XKR6: variants seen among roughly 807,000 people sequenced by gnomAD.
XKR6 encodes the protein XK related 6, also known as XK-related protein 6.
XKR6 carries 22 observed loss-of-function variants against 56.7 expected under a neutral mutation model. That is an observed-to-expected ratio of 0.39 (90% CI 0.28 to 0.55). The LOEUF (loss-of-function observed/expected upper bound fraction) is 0.55. Among genes scored for constraint, XKR6 ranks in the 20% least tolerant of loss-of-function variants. The probability of loss-of-function intolerance (pLI) is 0.66; values close to 1 mark genes in which losing one functional copy is unlikely to be tolerated. For synonymous variants in XKR6, 524 were observed against 387.8 expected, an observed-to-expected ratio of 1.35 and a Z score of -4.13; for missense variants, 852 against 889.0, an observed-to-expected ratio of 0.96 and a Z score of 0.53.
chr8:11,117,977 G>A (rs1474790960), intron 1 of XKR6, among the ~76,000 whole-genome samples: 2 of 152,094 alleles, frequency 1.3e-5, no homozygotes, highest in African/African-American at 2.4e-5. Context: ...TGGGGGACCA[G>A]GCATCCAAAC....
chr8:11,059,634 G>GGC (rs1478622357), intron 1 of XKR6, among the ~76,000 whole-genome samples: 2 of 150,998 alleles, frequency 1.3e-5, no homozygotes, highest in African/African-American at 2.4e-5. Flanking sequence ...GGGGGCGCGG[G>GGC]GCGGGGCGGG....
intron 1 of XKR6, among the ~76,000 whole-genome samples, chr8:11,095,889 A>G (rs998784596): frequency 1.6e-4 from 24 of 152,304 alleles, no homozygotes; most frequent in African/African-American, 5.8e-4. Flanking sequence ...TAGTAATTCC[A>G]CTGTTTTCCA....
chr8:11,131,397 C>T (rs1014767281), intron 1 of XKR6, among the ~76,000 whole-genome samples: 14 of 152,008 alleles, frequency 9.2e-5, no homozygotes, highest in African/African-American at 3.4e-4. Context: ...ACATAGAAGG[C>T]ATGATGAAAT....
rs1362454426 is a variant in XKR6 at position 11,190,183 on chromosome 8, AAAAGAAAGAAAGAAAGAAAGAAAAG to A, written c.764+10368_764+10392del. On this transcript the variant is annotated intron_variant, in intron 1 of 2. Transcript: ENST00000416569. ...AAAAAAAGAAAGAAAGAAAAGAAAG[AAAAGAAAGAAAGAAAGAAAGAAAAG>A]AAAGAAAGAAAGAAAGAGAAAAGAA... Among the ~76,000 whole-genome samples, 11 of 130,728 alleles carry A rather than the reference AAAAGAAAGAAAGAAAGAAAGAAAAG, an allele frequency of 8.4e-5. No individual in the cohort carries two copies. In the East Asian group the frequency reaches 1.4e-3, roughly 17 times the overall value. The allele number at this position is 130,728 out of a possible 152,430, so 85.8% of individuals were successfully genotyped here.
intron 1 of XKR6, among the ~76,000 whole-genome samples, chr8:10,986,614 G>C (rs957611139): frequency 2.0e-5 from 3 of 152,200 alleles, no homozygotes; most frequent in Non-Finnish European, 2.9e-5. Flanking sequence ...GAATGTCATA[G>C]TTGAGGGAAC....
At chr8:11,031,614 C>T (rs982448089) in intron 1 of XKR6, among the ~76,000 whole-genome samples, 1 of 152,320 alleles carries the variant, frequency 6.6e-6, no homozygotes, top group Admixed American at 6.5e-5. Flanking sequence ...GGGCTGTCCT[C>T]TTAGCTGGGC....
At chr8:10,939,169 T>C (rs915223313) in intron 1 of XKR6, among the ~76,000 whole-genome samples, 1 of 152,180 alleles carries the variant, frequency 6.6e-6, no homozygotes, top group Non-Finnish European at 1.5e-5. Context: ...CAAGCAAGTA[T>C]GAGGGCTTCA....
chr8:11,167,894 A>G (rs1344886701), intron 1 of XKR6, among the ~76,000 whole-genome samples: 2 of 88,570 alleles, frequency 2.3e-5, no homozygotes, highest in African/African-American at 1.4e-4. Context: ...ATCTCTTAAA[A>G]AAAAAAAAAA....
intron 2 of XKR6, among the ~76,000 whole-genome samples, chr8:10,920,799 G>C (rs765867616): frequency 1.4e-4 from 22 of 152,232 alleles, no homozygotes; most frequent in African/African-American, 1.9e-4. Flanking sequence ...TCTTGGCTTA[G>C]AGATCCACAA....
At chr8:10,993,227 C>CT (rs1283505572) in intron 1 of XKR6, among the ~76,000 whole-genome samples, 14 of 152,232 alleles carry the variant, frequency 9.2e-5, no homozygotes, top group African/African-American at 2.9e-4. Flanking sequence ...GGCTGGGATG[C>CT]TTTTTATTCA....
intron 1 of XKR6, among the ~76,000 whole-genome samples, chr8:11,130,872 C>A (rs1800070871): frequency 6.6e-6 from 1 of 152,110 alleles, no homozygotes; most frequent in Non-Finnish European, 1.5e-5. Flanking sequence ...CACTTGACTG[C>A]AGCAATGGTA....
At chr8:11,055,698 T>C (rs1441552958) in intron 1 of XKR6, among the ~76,000 whole-genome samples, 1 of 152,102 alleles carries the variant, frequency 6.6e-6, no homozygotes, top group Non-Finnish European at 1.5e-5. Context: ...ACCTAGGACT[T>C]TGCTTGCACA....
At chr8:11,093,107 G>C (rs1332546322) in intron 1 of XKR6, among the ~76,000 whole-genome samples, 2 of 152,030 alleles carry the variant, frequency 1.3e-5, no homozygotes, top group Non-Finnish European at 1.5e-5. Context: ...TCAGGCTGGA[G>C]TGCAATGGTG....
chr8:11,047,856 AG>A (rs1216469909), intron 1 of XKR6, among the ~76,000 whole-genome samples: 2 of 152,256 alleles, frequency 1.3e-5, no homozygotes, highest in African/African-American at 4.8e-5. Flanking sequence ...ACATGATCCC[AG>A]GAACAGGCTC....
intron 1 of XKR6, chr8:11,138,144 C>G (rs1027767444): frequency 3.7e-5 from 6 of 160,050 alleles, no homozygotes; most frequent in Non-Finnish European, 5.5e-5. Context: ...CTTTAAGACC[C>G]ATTCCAGAAA....
At chr8:11,044,635 ATT>A (rs199827131) in intron 1 of XKR6, among the ~76,000 whole-genome samples, 9 of 143,876 alleles carry the variant, frequency 6.3e-5, no homozygotes, top group Non-Finnish European at 7.7e-5. Context: ...TGATTTTCTG[ATT>A]TTTTTTTTTT....
At chr8:10,953,003 T>C (rs1801773647) in intron 1 of XKR6, among the ~76,000 whole-genome samples, 1 of 152,150 alleles carries the variant, frequency 6.6e-6, no homozygotes, top group South Asian at 2.1e-4. Flanking sequence ...GAGAATCTAA[T>C]GCATGATGAT....
chr8:11,120,950 T>G (rs1799421945), intron 1 of XKR6, among the ~76,000 whole-genome samples: 1 of 152,192 alleles, frequency 6.6e-6, no homozygotes, highest in Admixed American at 6.5e-5. Flanking sequence ...GATTCCCTAT[T>G]TAATAAATGG....
chr8:10,911,181 A>T (rs1269363991), intron 2 of XKR6, among the ~76,000 whole-genome samples: 2 of 136,460 alleles, frequency 1.5e-5, no homozygotes, highest in Non-Finnish European at 3.5e-5. Flanking sequence ...GTATATATAC[A>T]TATAGAGAGA....
Sources: gnomAD v4.1 joint callset for allele counts (sites outside exome capture counted in the v4.1 genomes callset) on GRCh38, gnomAD v4.1.1 for gene constraint, MANE v1.5 for transcripts, NCBI Gene and HGNC (gene_info 2026-07-23, HGNC 2026-07-21) for gene names.